LRP1B: variants seen among roughly 807,000 people sequenced by gnomAD.
LRP1B encodes the protein low-density lipoprotein receptor-related protein 1B.
In LRP1B, 217 loss-of-function variants were observed where a neutral mutation model predicts 556.6. The observed-to-expected ratio is 0.39, with a 90% CI of 0.35 to 0.44. The LOEUF (loss-of-function observed/expected upper bound fraction) is 0.44, where lower values mean the gene tolerates loss of function less well. LRP1B is among the 20% of genes least tolerant of loss of function. The pLI is 1.00. For synonymous variants in LRP1B, 2,047 were observed against 1,865.8 expected (o/e 1.10, Z -2.50); for missense variants, 5,053 against 5,620.8 (o/e 0.90, Z 3.23).
At chr2:140,405,959 C>T (rs1164913050) in intron 66 of LRP1B, among the ~76,000 whole-genome samples, 5 of 151,972 alleles carry the variant, frequency 3.3e-5, no homozygotes, top group African/African-American at 4.8e-5. Flanking sequence ...ACCAGATAAT[C>T]GAATCCAATA....
At chr2:141,511,341 T>C (rs1321219332) in intron 2 of LRP1B, among the ~76,000 whole-genome samples, 2 of 152,178 alleles carry the variant, frequency 1.3e-5, no homozygotes, top group Non-Finnish European at 2.9e-5. Context: ...ATAATCCATC[T>C]TCCTCACAGA....
At chr2:140,485,841 G>GCGCGCACACACACA (rs1553473120) in intron 58 of LRP1B, among the ~76,000 whole-genome samples, 2 of 54,732 alleles carry the variant, frequency 3.7e-5, no homozygotes, top group African/African-American at 1.1e-4. Flanking sequence ...AAATTCTCAC[G>GCGCGCACACACACA]CACATACACA....
chr2:140,754,280 G>A (rs1688673334), intron 35 of LRP1B, among the ~76,000 whole-genome samples: 1 of 152,132 alleles, frequency 6.6e-6, no homozygotes, highest in African/African-American at 2.4e-5. Flanking sequence ...GAAAACTGTG[G>A]AAAAAGACAG....
chr2:140,656,949 C>A (rs1684899985), intron 41 of LRP1B, among the ~76,000 whole-genome samples: 1 of 152,022 alleles, frequency 6.6e-6, no homozygotes, highest in African/African-American at 2.4e-5. Flanking sequence ...ACAAACAAGA[C>A]AATGAATTTC....
At chr2:141,231,679 C>G (rs182436356) in intron 5 of LRP1B, among the ~76,000 whole-genome samples, 2 of 136,090 alleles carry the variant, frequency 1.5e-5, no homozygotes, top group Non-Finnish European at 3.1e-5. Flanking sequence ...ATTGTTATTG[C>G]TATCGTGTGC....
intron 7 of LRP1B, among the ~76,000 whole-genome samples, chr2:141,137,394 C>A (rs1377105918): frequency 6.6e-6 from 1 of 151,854 alleles, no homozygotes; most frequent in East Asian, 1.9e-4. Flanking sequence ...ACCAGAATTT[C>A]TGATCTCTTG....
intron 1 of LRP1B, among the ~76,000 whole-genome samples, chr2:141,867,151 G>A (rs1275321058): frequency 1.3e-5 from 2 of 152,056 alleles, no homozygotes; most frequent in East Asian, 1.9e-4. Context: ...AGATAAAATC[G>A]AATAAAAAAC....
intron 11 of LRP1B, among the ~76,000 whole-genome samples, chr2:141,032,494 C>T (rs199715056): frequency 1.3e-5 from 2 of 152,114 alleles, no homozygotes; most frequent in East Asian, 3.9e-4. Flanking sequence ...TCTAATATTA[C>T]ATATTATCAA....
In LRP1B at chr2:141,859,234, G is replaced by A. The variant is rs116053159; in HGVS notation, c.83-48833C>T. 8.7e-3 allele frequency among the ~76,000 whole-genome samples: 1,322 copies of A among 151,828 alleles called. 24 individuals carry two copies. The highest frequency in any genetic ancestry group is 0.031 in the African/African-American group (1,272 of 41,376). ...TGTTGTATTTTCTTCTGTTTTTCTT[G>A]TTCATATTAATTATCTGTAAAATGC... On this transcript the variant is annotated intron_variant, in intron 1 of 90. Coordinates refer to ENST00000389484, the MANE Select transcript of LRP1B (RefSeq NM_018557.3).
intron 41 of LRP1B, among the ~76,000 whole-genome samples, chr2:140,675,607 C>T (rs1306420267): frequency 6.6e-6 from 1 of 151,854 alleles, no homozygotes; most frequent in Non-Finnish European, 1.5e-5. Context: ...TTTGCCTCTA[C>T]AAAAGTTAAA....
chr2:141,520,149 C>T (rs1684479059), intron 2 of LRP1B, among the ~76,000 whole-genome samples: 1 of 152,096 alleles, frequency 6.6e-6, no homozygotes, highest in African/African-American at 2.4e-5. Flanking sequence ...ATTCATGGCT[C>T]TTTCAGTCTG....
chr2:140,263,955 A>G (rs1682069021), intron 86 of LRP1B, among the ~76,000 whole-genome samples: 1 of 152,092 alleles, frequency 6.6e-6, no homozygotes, highest in Admixed American at 6.6e-5. Flanking sequence ...GCTGCCATAA[A>G]ATCCACAACA....
At chr2:140,695,052 T>A (rs1338199575) in intron 41 of LRP1B, among the ~76,000 whole-genome samples, 1 of 151,624 alleles carries the variant, frequency 6.6e-6, no homozygotes, top group Non-Finnish European at 1.5e-5. Flanking sequence ...TCTCCTATCA[T>A]TTTCATTTTC....
At chr2:140,781,298 A>T (rs1449115642) in intron 32 of LRP1B, among the ~76,000 whole-genome samples, 1 of 152,194 alleles carries the variant, frequency 6.6e-6, no homozygotes, top group Admixed American at 6.5e-5. Flanking sequence ...TGTTGCAGTC[A>T]TCTAAAAGCT....
chr2:140,759,084 T>C (rs1485303075), intron 35 of LRP1B, among the ~76,000 whole-genome samples: 1 of 152,166 alleles, frequency 6.6e-6, no homozygotes, highest in African/African-American at 2.4e-5. Context: ...GATGATACAA[T>C]ACCGTCTACA....
chr2:141,791,767 T>C (rs567937338), intron 2 of LRP1B, among the ~76,000 whole-genome samples: 1 of 152,040 alleles, frequency 6.6e-6, no homozygotes, highest in South Asian at 2.1e-4. Context: ...CACAGCATGC[T>C]AGCCAGTAAG....
Position 142,087,154 on chromosome 2 carries a change from G to A in LRP1B, c.82+43494C>T, listed in dbSNP as rs568990289. Among the ~76,000 whole-genome samples the A allele has an allele frequency of 5.9e-4, 90 of 152,150 alleles. 1 individual carries two copies. Among genetic ancestry groups the A allele is most frequent in the Middle Eastern group, 3.4e-3 (1 of 294 alleles). ...TTTCTATTTTAGGTTTCTACTTTTC[G>A]GAATGTTATCCCCCAGTGATTATGA... On this transcript the variant is annotated intron_variant, in intron 1 of 90. Transcript: ENST00000389484.
chr2:141,542,751 T>A (rs1685305630), intron 2 of LRP1B, among the ~76,000 whole-genome samples: 1 of 152,190 alleles, frequency 6.6e-6, no homozygotes, highest in Admixed American at 6.5e-5. Context: ...GTCTCATTTT[T>A]AAGGTAGGCA....
chr2:141,215,393 T>C (rs1174271935), intron 6 of LRP1B, among the ~76,000 whole-genome samples: 2 of 152,170 alleles, frequency 1.3e-5, no homozygotes, highest in South Asian at 4.1e-4. Context: ...CTAATACAGA[T>C]AATTGGTACA....
Sources: gnomAD v4.1 joint callset for allele counts (sites outside exome capture counted in the v4.1 genomes callset) on GRCh38, gnomAD v4.1.1 for gene constraint, MANE v1.5 for transcripts, NCBI Gene and HGNC (gene_info 2026-07-23, HGNC 2026-07-21) for gene names.